Variants in MAP3K15 observed in about 807,000 individuals in gnomAD.
MAP3K15 encodes the protein MAPK/ERK kinase kinase 15.
A neutral mutation model predicts 99.5 loss-of-function variants in MAP3K15; 124 were observed. The ratio of observed to expected loss-of-function variants is 1.25; its 90% CI spans 1.08 to 1.45. The LOEUF is 1.45. MAP3K15 is among the 40% of genes most tolerant of loss of function. The pLI, the probability that MAP3K15 is intolerant of heterozygous loss-of-function variation, is 0.00. For missense variants in MAP3K15, 1,242 were observed against 1,079.7 expected (o/e 1.15, Z -2.11); for synonymous variants, 494 against 439.6 (o/e 1.12, Z -1.55).
Position 19,414,743 on chromosome X carries a change from A to G in MAP3K15, c.1590+364T>C, listed in dbSNP as rs761186860. ...GACATTTTGGGCTGGATAATTCTTT[A>G]TTGGAGGGGGCTGTCCTGTGCATTG... On this transcript the variant is annotated intron_variant, in intron 10 of 28. Transcript: ENST00000338883. Among the ~76,000 whole-genome samples the G allele has an allele frequency of 6.3e-5, 7 of 111,942 alleles. No individual in the cohort carries two copies. In the South Asian group the frequency reaches 2.6e-3, roughly 42 times the overall value.
chrX:19,373,475 G>C, intron 21 of MAP3K15, 61 bp downstream of exon 21: 1 of 1,139,480 alleles, frequency 8.8e-7, no homozygotes, highest in Non-Finnish European at 1.2e-6. Flanking sequence ...GAGGTGCCCT[G>C]TGGCGGAGGA....
At chrX:19,475,341 G>A (rs959350935) in intron 3 of MAP3K15, among the ~76,000 whole-genome samples, 2 of 111,148 alleles carry the variant, frequency 1.8e-5, no homozygotes, top group African/African-American at 6.5e-5. Context: ...AGCAATGGGG[G>A]AGCAGCTATA....
In MAP3K15 at chrX:19,372,813, C is replaced by T; in HGVS notation, c.2948G>A (p.Ser983Asn). ...LGHLLSVPDE[S>N]SALEDRGLAS... ...CAAGCCCCGGTCTTCCAAGGCTGAGCTCTCGTCTGGAACACTGTGGACAAA... is the reference window on the plus strand; with the variant it reads ...CAAGCCCCGGTCTTCCAAGGCTGAGTTCTCGTCTGGAACACTGTGGACAAA... Residue 983 changes from serine to asparagine, a missense_variant, in exon 22 of 29, where the codon AGC becomes AAC. By Grantham distance (46) the Ser-to-Asn change is conservative. Coordinates refer to ENST00000338883, the MANE Select transcript of MAP3K15 (RefSeq NM_001001671.4). 1 of 1,209,198 alleles carries T rather than the reference C, an allele frequency of 8.3e-7. No individual in the cohort carries two copies. Among genetic ancestry groups the T allele is most frequent in the Non-Finnish European group, 1.1e-6 (1 of 894,105 alleles).
At chrX:19,382,808 C>T (rs780156990) in intron 18 of MAP3K15, among the ~76,000 whole-genome samples, 1 of 112,116 alleles carries the variant, frequency 8.9e-6, no homozygotes, top group African/African-American at 3.2e-5. Flanking sequence ...GGGAATGTGC[C>T]TTCTAACGAA....
intron 13 of MAP3K15, among the ~76,000 whole-genome samples, 183 bp from the exon 14 acceptor site, chrX:19,400,846 A>G (rs2063603048): frequency 9.0e-6 from 1 of 111,631 alleles, no homozygotes; most frequent in Admixed American, 9.6e-5. Context: ...GCAACTACCA[A>G]TGTGATACCT....
At chrX:19,481,764 A>C (rs191390066) in intron 3 of MAP3K15, 7 of 112,225 alleles carry the variant, frequency 6.2e-5, no homozygotes, top group Non-Finnish European at 1.1e-4. Flanking sequence ...TATAATAAAA[A>C]GACAGATGAT....
chrX:19,404,442 C>A (rs2063633211), intron 13 of MAP3K15, among the ~76,000 whole-genome samples: 1 of 111,664 alleles, frequency 9.0e-6, no homozygotes, highest in Non-Finnish European at 1.9e-5. Context: ...ATCTAGATAT[C>A]CAACGTATTC....
chrX:19,504,056 G>T (rs746053320), intron 1 of MAP3K15, among the ~76,000 whole-genome samples: 6 of 101,157 alleles, frequency 5.9e-5, no homozygotes, highest in Non-Finnish European at 1.2e-4. Context: ...GGAAGGTGAG[G>T]TTACAGTGAG....
chrX:19,360,754 C>T lies in MAP3K15; in HGVS notation c.3937G>A (p.Ala1313Thr). 8.3e-7 allele frequency: 1 copy of T among 1,206,182 alleles called. No individual in the cohort carries two copies. The highest frequency in any genetic ancestry group is 1.1e-6 in the Non-Finnish European group (1 of 891,642). The change falls in exon 29 of 29, where the codon GCT (alanine) becomes ACT (threonine). Residue 1313 changes from alanine (A) to threonine (T), a missense_variant. By Grantham distance (58) the Ala-to-Thr change is moderately conservative. Coordinates refer to ENST00000338883, the MANE Select transcript of MAP3K15 (RefSeq NM_001001671.4). ...CACAGCTTAGCTGATTGGTATCAAG[C>T]CTTGTCTTTGGTTTCTGAGGCCTCC... ...AQEASETKDK[A>T]
In MAP3K15 at chrX:19,465,661, G is replaced by A. The variant is rs752434833; in HGVS notation, c.526-1255C>T. 1.4e-4 allele frequency among the ~76,000 whole-genome samples: 15 copies of A among 110,244 alleles called. No homozygotes were observed. The South Asian group carries it at 5.9e-3, about 44-fold the overall frequency. On this transcript the variant is annotated intron_variant, in intron 3 of 28. Coordinates refer to ENST00000338883, the MANE Select transcript of MAP3K15 (RefSeq NM_001001671.4). ...CCCAGCTACTCAGGAGGCTGAGGCA[G>A]GAGAATCACTTGAACCCAGGAGGCG...
intron 3 of MAP3K15, among the ~76,000 whole-genome samples, chrX:19,478,565 T>C (rs2064268565): frequency 9.1e-6 from 1 of 109,344 alleles, no homozygotes; most frequent in Non-Finnish European, 1.9e-5. Flanking sequence ...ACTTCGAGTA[T>C]TGAAGACACT....
At chrX:19,408,427 C>T (rs1312211662) in intron 12 of MAP3K15, 10 of 118,415 alleles carry the variant, frequency 8.4e-5, no homozygotes, top group Middle Eastern at 7.5e-3. Flanking sequence ...CTGACGCGGG[C>T]GGATCACTTG....
chrX:19,393,753 CCTGG>C (rs1312552088), intron 16 of MAP3K15, among the ~76,000 whole-genome samples: 3 of 101,299 alleles, frequency 3.0e-5, no homozygotes, highest in Non-Finnish European at 5.9e-5. Flanking sequence ...TAGCCCACTG[CCTGG>C]CTCTTTTTTT....
At chrX:19,396,995 G>T (rs1016250449) in intron 15 of MAP3K15, among the ~76,000 whole-genome samples, 1 of 109,164 alleles carries the variant, frequency 9.2e-6, no homozygotes, top group Admixed American at 9.8e-5. Context: ...TGCCTCCGGG[G>T]TTCAAGCGAT....
chrX:19,478,504 G>A (rs1668383947), intron 3 of MAP3K15, among the ~76,000 whole-genome samples: 2 of 62,970 alleles, frequency 3.2e-5, no homozygotes, highest in South Asian at 1.3e-3. Flanking sequence ...AAAAACAGGA[G>A]AAATTGTTAC....
intron 1 of MAP3K15, among the ~76,000 whole-genome samples, chrX:19,512,098 C>T (rs1232247952): frequency 5.4e-5 from 6 of 111,220 alleles, no homozygotes; most frequent in Non-Finnish European, 9.4e-5. Flanking sequence ...TGTTCTCACT[C>T]ATAAGTGGGA....
chrX:19,376,589 G>C (rs2063419762), intron 19 of MAP3K15, among the ~76,000 whole-genome samples: 1 of 111,023 alleles, frequency 9.0e-6, no homozygotes, highest in Admixed American at 9.6e-5. Context: ...GGGACCACAG[G>C]TGTGCACCAC....
At chrX:19,450,470 A>G (rs1187673560) in intron 6 of MAP3K15, among the ~76,000 whole-genome samples, 1 of 110,679 alleles carries the variant, frequency 9.0e-6, no homozygotes, top group Non-Finnish European at 1.9e-5. Context: ...GCCAAAATCA[A>G]TGCAGAACAC....
intron 26 of MAP3K15, 35 bp downstream of exon 26, chrX:19,362,703 G>A (rs773254371): frequency 1.2e-6 from 1 of 822,078 alleles, no homozygotes; most frequent in Non-Finnish European, 1.8e-6. Context: ...ATATTAGCTA[G>A]ATGTTAAAGT....
Sources: allele counts gnomAD v4.1 joint callset (sites outside exome capture counted in the v4.1 genomes callset), GRCh38; gene constraint gnomAD v4.1.1; transcripts MANE v1.5; gene names NCBI Gene and HGNC (gene_info 2026-07-23, HGNC 2026-07-21).